Variants in TGM5 observed in about 807,000 individuals in gnomAD.
TGM5 encodes transglutaminase 5.
In TGM5, 69 loss-of-function variants were observed where a neutral mutation model predicts 77.2. The observed-to-expected ratio is 0.89, with a 90% CI of 0.74 to 1.09. The LOEUF (loss-of-function observed/expected upper bound fraction) is 1.09. Among genes scored for constraint, TGM5 ranks in the 50% least tolerant of loss-of-function variants. The pLI is 0.00. For missense variants in TGM5, 842 were observed against 896.5 expected (o/e 0.94, Z 0.78); for synonymous variants, 346 against 351.8 (o/e 0.98, Z 0.18).
At position 43,261,074 on chromosome 15, in the gene TGM5, G is replaced by GTTTTTTT. The variant is rs1387299009; in HGVS notation, c.11-496_11-495insAAAAAAA. Among the ~76,000 whole-genome samples, 20 of 73,870 alleles carry GTTTTTTT rather than the reference G, an allele frequency of 2.7e-4. 1 individual carries two copies. The highest frequency in any genetic ancestry group is 3.4e-4 in the African/African-American group (8 of 23,488). The allele number at this position is 73,870 out of a possible 152,430, so 48.5% of individuals were successfully genotyped here. ...AGCTGCTCTTCCTTTTTTTGTGTGT[G>GTTTTTTT]TGTTTTTTTTTTTTTTTTTTTTTTT... is the stretch of plus-strand genomic sequence containing the variant. On this transcript the variant is annotated intron_variant, in intron 1 of 12. Coordinates refer to ENST00000220420, the MANE Select transcript of TGM5 (RefSeq NM_201631.4).
chr15:43,233,728 C>T lies in TGM5; in HGVS notation c.1876-41G>A, dbSNP rs764855736. On this transcript the variant is annotated intron_variant, in intron 11 of 12. Transcript: ENST00000220420. The stretch of plus-strand genomic sequence containing the variant: ...GGGGAAGGAGAATTAGTTCTCATTC[C>T]CCAACTCACCAGATATTTACGAAGG... 2.5e-5 allele frequency: 40 copies of T among 1,610,532 alleles called. 1 individual carries two copies. In the South Asian group the frequency reaches 3.8e-4, roughly 15 times the overall value.
At chr15:43,253,413 G>T (rs770870813) in intron 5 of TGM5, 93 bp downstream of exon 5, 69 of 1,562,580 alleles carry the variant, frequency 4.4e-5, no homozygotes, top group Non-Finnish European at 5.6e-5. Flanking sequence ...TTGCCAGAGG[G>T]TCCCTCTTTC....
intron 6 of TGM5, among the ~76,000 whole-genome samples, chr15:43,243,002 C>T (rs1418302985): frequency 6.6e-6 from 1 of 152,178 alleles, no homozygotes; most frequent in African/African-American, 2.4e-5. Flanking sequence ...CTGCCCTTCA[C>T]CCAGATGGAT....
intron 6 of TGM5, among the ~76,000 whole-genome samples, chr15:43,244,281 G>GT (rs2042657182): frequency 6.6e-6 from 1 of 152,168 alleles, no homozygotes; most frequent in East Asian, 1.9e-4. Flanking sequence ...GACTTTTCTT[G>GT]CATTTCTACA....
chr15:43,261,090 T>TTTTTTTTTG (rs2042786247), intron 1 of TGM5, among the ~76,000 whole-genome samples: 10 of 97,112 alleles, frequency 1.0e-4, no homozygotes, highest in Admixed American at 2.1e-4. Flanking sequence ...TTTTTTTTTT[T>TTTTTTTTTG]TTTTTTTTTT....
rs201776789 is a variant in TGM5, at chr15:43,260,502, G to T, written c.88C>A (p.His30Asn). The T allele has an allele frequency of 1.6e-4, 255 of 1,614,056 alleles. No homozygotes were observed. Among genetic ancestry groups the T allele is most frequent in the Middle Eastern group, 3.3e-4 (2 of 6,084 alleles). The change falls in exon 2 of 13, where the codon CAC becomes AAC. Residue 30 changes from histidine to asparagine, a missense_variant. This residue lies in a region of TGM5 where 815 missense variants were observed against 844.6 expected (regional missense o/e 0.96). Transcript: ENST00000220420. The stretch of plus-strand genomic sequence containing the variant: ...GCCTGGCCCCGGCGAACAAGCAGGT[G>T]GTCCACAGTGATCTCCTCCGTGTGG... The part of the protein sequence containing the change: ...RHHTEEITVD[H>N]LLVRRGQAFN...
At chr15:43,250,494 C>A (rs62019407) in intron 6 of TGM5, among the ~76,000 whole-genome samples, 1 of 152,202 alleles carries the variant, frequency 6.6e-6, no homozygotes, top group Non-Finnish European at 1.5e-5. Context: ...CTACTCTAGG[C>A]TGTCAGGGTT....
Position 43,234,939 on chromosome 15 carries a change from G to GAAAT in TGM5, c.1715-11_1715-10insATTT. 1.2e-6 allele frequency: 2 copies of GAAAT among 1,613,730 alleles called. No individual in the cohort carries two copies. The highest frequency in any genetic ancestry group is 2.2e-5 in the South Asian group (2 of 91,066). ...CAGGGGTAGGTCTTTGCTAAAGAAA[G>GAAAT]AACACAAGGATGGGGTGAGAGTAGC... is the stretch of plus-strand genomic sequence containing the variant. On this transcript the variant is annotated splice_polypyrimidine_tract_variant and intron_variant, in intron 10 of 12. Coordinates refer to ENST00000220420, the MANE Select transcript of TGM5 (RefSeq NM_201631.4).
chr15:43,261,072 G>GTTTTTTTTTTTTTTTTTTTTTTTT (rs1566837432), intron 1 of TGM5, among the ~76,000 whole-genome samples: 1 of 53,870 alleles, frequency 1.9e-5, no homozygotes, highest in African/African-American at 5.7e-5. Flanking sequence ...TTTTTTGTGT[G>GTTTTTTTTTTTTTTTTTTTTTTTT]TGTGTTTTTT....
chr15:43,261,936 A>G (rs1253911356), intron 1 of TGM5, among the ~76,000 whole-genome samples: 1 of 152,182 alleles, frequency 6.6e-6, no homozygotes, highest in Non-Finnish European at 1.5e-5. Flanking sequence ...ACAGTCTGCC[A>G]TATAAAAGGC....
rs144919646 is a variant in TGM5 at position 43,239,079 on chromosome 15, C to T, written c.1106-23G>A. ...CGCCTGAAGGAGAACAGGGGAGCCT[C>T]GGTGGGCTGTTTGTTGCAGGGCTGG... On this transcript the variant is annotated intron_variant, in intron 8 of 12. Coordinates refer to ENST00000220420, the MANE Select transcript of TGM5 (RefSeq NM_201631.4). The T allele has an allele frequency of 3.9e-5, 62 of 1,607,814 alleles. 1 individual carries two copies. The highest frequency in any genetic ancestry group is 1.1e-4 in the South Asian group (10 of 90,986).
chr15:43,264,806 T>A (rs1262350293), intron 1 of TGM5, among the ~76,000 whole-genome samples: 3 of 152,254 alleles, frequency 2.0e-5, no homozygotes, highest in African/African-American at 7.2e-5. Context: ...TAAACAAATA[T>A]GAACCAAATT....
chr15:43,255,694 G>C (rs1007783121), intron 4 of TGM5, among the ~76,000 whole-genome samples: 8 of 152,078 alleles, frequency 5.3e-5, no homozygotes, highest in African/African-American at 1.9e-4. Flanking sequence ...AGAGGCTGAG[G>C]GCTGATCCTC....
At position 43,233,634 on chromosome 15, in the gene TGM5, TG is replaced by T; in HGVS notation, c.1928del (p.Ser643Ter). On this transcript the variant is annotated frameshift_variant, in exon 12 of 13. Coordinates refer to ENST00000220420, the MANE Select transcript of TGM5 (RefSeq NM_201631.4). LOFTEE classifies it high-confidence loss of function. ...NQPLSIQVIF[S>X]NPLSEQVEDC... ...CCTCAACCTGCTCCGAGAGGGGGTTTGAAAATATCACCTGTATGGAGAGTGG... is the reference window on the plus strand; with the variant it reads ...CCTCAACCTGCTCCGAGAGGGGGTTTAAAATATCACCTGTATGGAGAGTGG... 6.2e-7 allele frequency: 1 copy of T among 1,614,192 alleles called. No individual in the cohort carries two copies.
At chr15:43,260,852 G>A (rs1272133993) in intron 1 of TGM5, among the ~76,000 whole-genome samples, 1 of 152,006 alleles carries the variant, frequency 6.6e-6, no homozygotes, top group Non-Finnish European at 1.5e-5. Flanking sequence ...GGAGGGGCAT[G>A]GTTTTCTGCC....
At chr15:43,236,576 T>C (rs772436668) in intron 9 of TGM5, among the ~76,000 whole-genome samples, 1 of 152,172 alleles carries the variant, frequency 6.6e-6, no homozygotes, top group Non-Finnish European at 1.5e-5. Context: ...TTGCCACAAC[T>C]TCCTGAGGCA....
intron 9 of TGM5, 99 bp from the exon 10 acceptor site, chr15:43,235,936 T>C: frequency 1.3e-6 from 2 of 1,536,440 alleles, no homozygotes; most frequent in Non-Finnish European, 1.8e-6. Flanking sequence ...ACCAACAACT[T>C]CAGGCCTTCA....
At chr15:43,237,823 C>T (rs890829655) in intron 9 of TGM5, among the ~76,000 whole-genome samples, 22 of 152,238 alleles carry the variant, frequency 1.4e-4, no homozygotes, top group African/African-American at 5.3e-4. Flanking sequence ...AAAATGTACT[C>T]TTACATCCAC....
intron 10 of TGM5, 46 bp downstream of exon 10, chr15:43,235,423 C>T: frequency 6.2e-7 from 1 of 1,613,630 alleles, no homozygotes; most frequent in Non-Finnish European, 8.5e-7. Context: ...ACCCCACTGA[C>T]ATTGCCAAAA....
Sources: gnomAD v4.1 joint callset for allele counts (sites outside exome capture counted in the v4.1 genomes callset) on GRCh38, gnomAD v4.1.1 for gene constraint, gnomAD v4.1.1 regional missense constraint, MANE v1.5 for transcripts, NCBI Gene and HGNC (gene_info 2026-07-23, HGNC 2026-07-21) for gene names.